TINAG: variants seen among roughly 807,000 people sequenced by gnomAD.
The protein encoded by TINAG is tubulointerstitial nephritis antigen.
In TINAG, 83 loss-of-function variants were observed where a neutral mutation model predicts 72.7. That is an observed-to-expected ratio of 1.14 (90% CI 0.96 to 1.37). TINAG has a LOEUF of 1.37. Ranked by LOEUF, TINAG falls within the 40% of genes most tolerant of loss-of-function variation. The pLI is 0.00. For synonymous variants in TINAG, 234 were observed against 189.9 expected, an observed-to-expected ratio of 1.23 and a Z score of -1.91; for missense variants, 685 against 576.6, an observed-to-expected ratio of 1.19 and a Z score of -1.93.
At chr6:54,310,076 C>CGT (rs138971244) in intron 1 of TINAG, among the ~76,000 whole-genome samples, 6,550 of 127,610 alleles carry the variant, frequency 0.051, 226 homozygotes, top group African/African-American at 0.082. Context: ...CTTTTTTTTC[C>CGT]GTGTGTGTGT....
intron 9 of TINAG, among the ~76,000 whole-genome samples, chr6:54,372,945 A>G (rs1035759845): frequency 6.6e-6 from 1 of 151,882 alleles, no homozygotes; most frequent in Non-Finnish European, 1.5e-5. Context: ...CTGAGCCACA[A>G]TAAAAAGGAA....
intron 2 of TINAG, 137 bp from the exon 3 acceptor site, chr6:54,321,160 C>A: frequency 1.4e-6 from 1 of 712,414 alleles, no homozygotes; most frequent in Non-Finnish European, 2.4e-6. Context: ...TTTATTTTTG[C>A]CAAGAATCAA....
chr6:54,384,714 A>G (rs1406635787), intron 10 of TINAG, among the ~76,000 whole-genome samples: 1 of 145,102 alleles, frequency 6.9e-6, no homozygotes, highest in Admixed American at 6.9e-5. Context: ...CCAAAAAAAC[A>G]TACACCAAAA....
chr6:54,388,511 T>C (rs1175049663), intron 10 of TINAG, among the ~76,000 whole-genome samples: 1 of 152,180 alleles, frequency 6.6e-6, no homozygotes, highest in South Asian at 2.1e-4. Context: ...TAGAAAACAG[T>C]GAAAGCTCAA....
chr6:54,360,842 T>G (rs13216103), intron 9 of TINAG, among the ~76,000 whole-genome samples: 3 of 48,144 alleles, frequency 6.2e-5, no homozygotes, highest in South Asian at 6.6e-4. Context: ...AGATACTGTG[T>G]TTTTTTTTTT....
At chr6:54,319,066 A>G (rs1337296946) in intron 1 of TINAG, among the ~76,000 whole-genome samples, 1 of 151,968 alleles carries the variant, frequency 6.6e-6, no homozygotes, top group East Asian at 1.9e-4. Context: ...TACTCAGCTG[A>G]GTATTAAGGT....
intron 7 of TINAG, among the ~76,000 whole-genome samples, chr6:54,350,102 A>T (rs971107164): frequency 6.6e-6 from 1 of 152,048 alleles, no homozygotes; most frequent in African/African-American, 2.4e-5. Context: ...TAAAGGACTG[A>T]CTTAAATTTT....
intron 9 of TINAG, among the ~76,000 whole-genome samples, chr6:54,377,349 TAA>T (rs1223739894): frequency 6.6e-6 from 1 of 151,852 alleles, no homozygotes; most frequent in African/African-American, 2.4e-5. Context: ...CCGTCTCTAC[TAA>T]AAATCCCCAA....
At chr6:54,355,385 A>G (rs693027) in intron 9 of TINAG, among the ~76,000 whole-genome samples, 4,467 of 151,902 alleles carry the variant, frequency 0.029, 225 homozygotes, top group African/African-American at 0.098. Flanking sequence ...GTCTTTAATG[A>G]CTTAATTTTA....
intron 9 of TINAG, among the ~76,000 whole-genome samples, chr6:54,358,449 T>C (rs965932296): frequency 2.6e-5 from 4 of 151,756 alleles, no homozygotes; most frequent in African/African-American, 9.7e-5. Context: ...GTTTTCTCTT[T>C]TCAACGAATG....
chr6:54,310,504 TTC>T (rs1384832788), intron 1 of TINAG, among the ~76,000 whole-genome samples: 5 of 150,168 alleles, frequency 3.3e-5, no homozygotes, highest in East Asian at 2.0e-4. Flanking sequence ...TCTTCTTTCT[TTC>T]TCTTTCTTTC....
chr6:54,363,305 A>G (rs1376812905), intron 9 of TINAG, among the ~76,000 whole-genome samples: 1 of 151,628 alleles, frequency 6.6e-6, no homozygotes, highest in Non-Finnish European at 1.5e-5. Flanking sequence ...TGTTTGCATT[A>G]TTTAAAGATT....
chr6:54,308,495 A>G lies in TINAG; in HGVS notation c.-56A>G. 2 of 1,460,258 alleles carry G rather than the reference A, an allele frequency of 1.4e-6. No individual in the cohort carries two copies. Among genetic ancestry groups the G allele is most frequent in the Middle Eastern group, 1.9e-4 (1 of 5,356 alleles). 90.5% of individuals were successfully genotyped at this position (1,460,258 alleles called of 1,614,324 possible). ...ATTCAGGTTCCAAGGAGAAGCCCACAAGGCTAAGGGTATTGGATATAACGG... is the reference window on the plus strand; with the variant it reads ...ATTCAGGTTCCAAGGAGAAGCCCACGAGGCTAAGGGTATTGGATATAACGG... On this transcript the variant is annotated 5_prime_UTR_variant, in exon 1 of 11. Coordinates refer to ENST00000259782, the MANE Select transcript of TINAG (RefSeq NM_014464.4).
At chr6:54,321,199 A>AATTAT in intron 2 of TINAG, 98 bp from the exon 3 acceptor site, 1 of 922,604 alleles carries the variant, frequency 1.1e-6, no homozygotes, top group Non-Finnish European at 1.7e-6. Context: ...TTAATCAAGA[A>AATTAT]ATTATGTTTT....
chr6:54,311,537 A>T (rs1218804779), intron 1 of TINAG, among the ~76,000 whole-genome samples: 1 of 152,206 alleles, frequency 6.6e-6, no homozygotes, highest in Non-Finnish European at 1.5e-5. Context: ...AATTAGTATT[A>T]TCCAGAGAGG....
At chr6:54,321,550 A>C (rs938146147) in intron 3 of TINAG, among the ~76,000 whole-genome samples, 164 bp downstream of exon 3, 1 of 152,238 alleles carries the variant, frequency 6.6e-6, no homozygotes, top group Non-Finnish European at 1.5e-5. Flanking sequence ...AAAGGTAAAC[A>C]TTAAATAATT....
chr6:54,364,692 T>C (rs1007311513), intron 9 of TINAG, among the ~76,000 whole-genome samples: 1 of 151,424 alleles, frequency 6.6e-6, no homozygotes, highest in Non-Finnish European at 1.5e-5. Context: ...TATAAAGTGA[T>C]TAAAAGCCAT....
intron 9 of TINAG, chr6:54,365,370 T>C (rs1368652082): frequency 6.6e-6 from 1 of 151,608 alleles, no homozygotes; most frequent in East Asian, 1.9e-4. Context: ...AATATATTAA[T>C]AGAGGTTTGT....
intron 7 of TINAG, 102 bp downstream of exon 7, chr6:54,349,998 C>A: frequency 2.9e-6 from 2 of 701,114 alleles, no homozygotes; most frequent in East Asian, 3.8e-5. Flanking sequence ...CTATTATATT[C>A]TAAAATAAAT....
Sources: allele counts gnomAD v4.1 joint callset (sites outside exome capture counted in the v4.1 genomes callset), GRCh38; gene constraint gnomAD v4.1.1; transcripts MANE v1.5; gene names NCBI Gene and HGNC (gene_info 2026-07-23, HGNC 2026-07-21).